The following NCKAP5 variants were observed in gnomAD, a reference collection of about 807,000 sequenced individuals.
The protein encoded by NCKAP5 is NCK associated protein 5.
Under a neutral mutation model 167.0 loss-of-function variants are expected in NCKAP5, and 92 were observed. The observed-to-expected ratio is 0.55, with a 90% CI of 0.47 to 0.66. The LOEUF (loss-of-function observed/expected upper bound fraction) is 0.66, where lower values mean the gene tolerates loss of function less well. NCKAP5 is among the 30% of genes least tolerant of loss of function. NCKAP5 has a pLI of 0.00. For synonymous variants in NCKAP5, 891 were observed against 877.4 expected (o/e 1.02, Z -0.27); for missense variants, 2,378 against 2,315.0 (o/e 1.03, Z -0.56).
At chr2:133,382,152 T>C (rs532008092) in intron 3 of NCKAP5, among the ~76,000 whole-genome samples, 46 of 152,304 alleles carry the variant, frequency 3.0e-4, no homozygotes, top group African/African-American at 1.1e-3. Flanking sequence ...GAGTCATCCT[T>C]GTCTCCCGCC....
At chr2:132,815,121 T>C (rs1255090395) in intron 11 of NCKAP5, among the ~76,000 whole-genome samples, 1 of 152,364 alleles carries the variant, frequency 6.6e-6, no homozygotes, top group Admixed American at 6.5e-5. Flanking sequence ...TAAAGATTTA[T>C]CAATTTTCAT....
chr2:132,994,223 G>A lies in NCKAP5; in HGVS notation c.358C>T (p.Arg120Ter), dbSNP rs1181482995. 5 of 1,585,742 alleles carry A rather than the reference G, an allele frequency of 3.2e-6. No individual in the cohort carries two copies. Among genetic ancestry groups the A allele is most frequent in the African/African-American group, 2.7e-5 (2 of 74,426 alleles). ...QQFSRMEETV[R>*]NLLQSQGSPE... ...GATCCTTGACTCTGCAATAGATTTC[G>A]TACTGTTTCTTCCATCCTGAGAAAC... The change falls in exon 7 of 20, where the codon CGA becomes TGA. Residue 120 changes from arginine to a stop codon, truncating the protein, a stop_gained. Coordinates refer to ENST00000409261, the MANE Select transcript of NCKAP5 (RefSeq NM_207363.3). LOFTEE classifies it high-confidence loss of function.
At chr2:133,074,033 A>G (rs2080511603) in intron 6 of NCKAP5, among the ~76,000 whole-genome samples, 1 of 152,218 alleles carries the variant, frequency 6.6e-6, no homozygotes, top group South Asian at 2.1e-4. Flanking sequence ...TCAAAGAGCA[A>G]TAGATAACAT....
chr2:133,220,788 T>C (rs947778254), intron 4 of NCKAP5, among the ~76,000 whole-genome samples: 1 of 152,170 alleles, frequency 6.6e-6, no homozygotes, highest in Non-Finnish European at 1.5e-5. Context: ...GAGCCATCTG[T>C]TGCGAGAGTG....
At chr2:132,835,076 G>GT (rs1687794761) in intron 11 of NCKAP5, among the ~76,000 whole-genome samples, 1 of 152,062 alleles carries the variant, frequency 6.6e-6, no homozygotes, top group Non-Finnish European at 1.5e-5. Flanking sequence ...ATGACCATAT[G>GT]TTTTTTGTCC....
chr2:133,511,132 C>T (rs955946215), intron 3 of NCKAP5, among the ~76,000 whole-genome samples: 13 of 152,212 alleles, frequency 8.5e-5, no homozygotes, highest in African/African-American at 3.1e-4. Flanking sequence ...CTGACATGCT[C>T]TATGTCCACT....
At chr2:133,392,646 A>G (rs1032363415) in intron 3 of NCKAP5, among the ~76,000 whole-genome samples, 6 of 152,216 alleles carry the variant, frequency 3.9e-5, no homozygotes, top group Non-Finnish European at 5.9e-5. Flanking sequence ...TGCTTATGGA[A>G]TAAATAAATG....
At chr2:133,597,233 C>A in the NCKAP5 span, among the ~76,000 whole-genome samples, 71 of 152,280 alleles carry the variant, frequency 4.7e-4, 1 homozygote, top group African/African-American at 1.7e-3. Context: ...CCAACTGCAC[C>A]AGTGTGACCT....
Position 132,998,335 on chromosome 2 carries a change from T to G in NCKAP5, c.342-4096A>C, listed in dbSNP as rs964151174. On this transcript the variant is annotated intron_variant, in intron 6 of 19. Transcript: ENST00000409261. Reference sequence around the variant, plus strand: ...TTTATACTTAAAAAATAGGAAAAAGTGGGGGTGGACAGGAAATTGTTAAAA... The same window carrying G: ...TTTATACTTAAAAAATAGGAAAAAGGGGGGGTGGACAGGAAATTGTTAAAA... Among the ~76,000 whole-genome samples the G allele has an allele frequency of 3.9e-5, 6 of 152,222 alleles. No homozygotes were observed. In the East Asian group the frequency reaches 1.2e-3, roughly 29 times the overall value.
At chr2:132,731,669 C>T in intron 17 of NCKAP5, 68 bp downstream of exon 17, 1 of 1,484,764 alleles carries the variant, frequency 6.7e-7, no homozygotes, top group Non-Finnish European at 9.0e-7. Context: ...TTACTCATCT[C>T]CTGGTGAAAA....
At chr2:133,672,767 T>G in the NCKAP5 span, among the ~76,000 whole-genome samples, 3 of 152,216 alleles carry the variant, frequency 2.0e-5, no homozygotes, top group Admixed American at 1.3e-4. Context: ...TTTGGGCCTG[T>G]GATCTGTAGT....
Position 132,731,768 on chromosome 2 carries a change from A to T in NCKAP5, c.5412T>A (p.Leu1804=). Residue 1804 remains leucine, a synonymous_variant, in exon 17 of 20, where the codon CTT becomes CTA. Transcript: ENST00000409261. ...PIMTARGMRP[L]QSRLPKPASS... is the part of the protein sequence containing the mutation. ...AAGCTGGTTTGGGGAGGCGGCTCTG[A>T]AGAGGCCTCATCCCTCTGGCGGTCA... 1 of 1,608,802 alleles carries T rather than the reference A, an allele frequency of 6.2e-7. No individual in the cohort carries two copies. Among genetic ancestry groups the T allele is most frequent in the African/African-American group, 1.3e-5 (1 of 74,932 alleles).
At chr2:133,030,300 C>T (rs1388628958) in intron 6 of NCKAP5, among the ~76,000 whole-genome samples, 2 of 152,194 alleles carry the variant, frequency 1.3e-5, no homozygotes, top group African/African-American at 4.8e-5. Context: ...GGGCACCTCA[C>T]ACTCAGTGCC....
chr2:133,254,809 T>C (rs911217512), intron 4 of NCKAP5, among the ~76,000 whole-genome samples: 9 of 152,128 alleles, frequency 5.9e-5, no homozygotes, highest in Non-Finnish European at 1.0e-4. Flanking sequence ...TTTCATAAAG[T>C]ATATCACAGA....
In NCKAP5 at chr2:132,917,901, C is replaced by T. The variant is rs562064361; in HGVS notation, c.580-38985G>A. ...ATCCTCCTCCTCCTCTGCAGGAGGA[C>T]CAATTTAAATCATCCTTAAATCATC... is the stretch of plus-strand genomic sequence containing the variant. On this transcript the variant is annotated intron_variant, in intron 8 of 19. Transcript: ENST00000409261. Among the ~76,000 whole-genome samples, 48 of 152,250 alleles carry T rather than the reference C, an allele frequency of 3.2e-4. 2 individuals are homozygous for T. The South Asian group carries it at 8.3e-3, about 26-fold the overall frequency.
intron 14 of NCKAP5, 143 bp from the exon 15 acceptor site, chr2:132,781,372 G>T: frequency 1.5e-6 from 1 of 663,320 alleles, no homozygotes; most frequent in Non-Finnish European, 2.4e-6. Context: ...TTTCTCATGG[G>T]CCTTGATCAA....
intron 5 of NCKAP5, among the ~76,000 whole-genome samples, chr2:133,201,663 G>C (rs745525531): frequency 3.3e-5 from 5 of 152,094 alleles, no homozygotes; most frequent in Non-Finnish European, 7.4e-5. Flanking sequence ...CATCAAATTA[G>C]ACAATGAAGA....
the NCKAP5 span, among the ~76,000 whole-genome samples, chr2:133,666,971 C>G: frequency 6.6e-6 from 1 of 152,114 alleles, no homozygotes; most frequent in East Asian, 1.9e-4. Context: ...AGGACTTGAA[C>G]TATTTGGTAG....
chr2:133,018,585 T>G (rs2078423182), intron 6 of NCKAP5, among the ~76,000 whole-genome samples: 2 of 152,210 alleles, frequency 1.3e-5, no homozygotes, highest in African/African-American at 4.8e-5. Flanking sequence ...TAAGGTGGTA[T>G]GAAGATGACA....
Sources: gnomAD v4.1 joint callset for allele counts (sites outside exome capture counted in the v4.1 genomes callset) on GRCh38, gnomAD v4.1.1 for gene constraint, MANE v1.5 for transcripts, NCBI Gene and HGNC (gene_info 2026-07-23, HGNC 2026-07-21) for gene names.